The following FAHD2B variants were observed in gnomAD, a reference collection of about 807,000 sequenced individuals.
The protein encoded by FAHD2B is fumarylacetoacetate hydrolase domain containing 2B, also known as oxaloacetate tautomerase FAHD2B, mitochondrial.
FAHD2B carries 26 observed loss-of-function variants against 33.7 expected under a neutral mutation model. The ratio of observed to expected loss-of-function variants is 0.77; its 90% CI spans 0.57 to 1.07. FAHD2B has a LOEUF of 1.07. FAHD2B is among the 50% of genes least tolerant of loss of function. FAHD2B has a pLI of 0.00. For missense variants in FAHD2B, 272 were observed against 388.1 expected (o/e 0.70, Z 2.51); for synonymous variants, 108 against 150.9 (o/e 0.72, Z 2.08).
At chr2:97,092,965 C>CAAAAAAAAAAAAAAAAAAAAA in intron 1 of FAHD2B, among the ~76,000 whole-genome samples, 1 of 64,220 alleles carries the variant, frequency 1.6e-5, no homozygotes, top group Non-Finnish European at 3.1e-5. Context: ...AGAGCGACTC[C>CAAAAAAAAAAAAAAAAAAAAA]AAAAAAAAAA....
At chr2:97,086,814 C>A (rs182609584) in intron 4 of FAHD2B, 224 of 153,086 alleles carry the variant, frequency 1.5e-3, no homozygotes, top group South Asian at 6.8e-3. Context: ...TAATACCACT[C>A]CCCACTAAGG....
downstream of FAHD2B, chr2:97,082,282 C>T (rs927374922): frequency 5.4e-5 from 85 of 1,574,866 alleles, no homozygotes; most frequent in Non-Finnish European, 7.1e-5. Context: ...CACAGGCTGC[C>T]GCCTTCCTCC....
At chr2:97,086,565 T>A (rs546670300) in intron 4 of FAHD2B, 2 of 203,460 alleles carry the variant, frequency 9.8e-6, no homozygotes, top group Non-Finnish European at 2.0e-5. Flanking sequence ...CTGTTCTAAG[T>A]GTTTTAATCT....
chr2:97,081,092 C>T (rs1382639921), downstream of FAHD2B: 11 of 1,506,442 alleles, frequency 7.3e-6, no homozygotes, highest in African/African-American at 7.0e-5. Flanking sequence ...ATGGACCCTC[C>T]GCCCCCAGCC....
Position 97,093,943 on chromosome 2 carries a change from G to A in FAHD2B, c.-133+758C>T, listed in dbSNP as rs547033553. Among the ~76,000 whole-genome samples, 35 of 152,222 alleles carry A rather than the reference G, an allele frequency of 2.3e-4. 1 individual carries two copies. The highest frequency in any genetic ancestry group is 2.0e-3 in the Admixed American group (30 of 15,264). ...AAGTCCAGGTGACATTGAAGTCCTT[G>A]GTTCAGAAGCCTGTAATGCAAGCAA... On this transcript the variant is annotated intron_variant, in intron 1 of 8. Coordinates refer to ENST00000414820, the MANE Select transcript of FAHD2B (RefSeq NM_001320848.2).
chr2:97,084,070 G>A, intron 7 of FAHD2B, 35 bp from the exon 8 acceptor site: 3 of 1,613,288 alleles, frequency 1.9e-6, no homozygotes, highest in Non-Finnish European at 2.5e-6. Flanking sequence ...TGAGACCAGG[G>A]GCTGGCTGAG....
At chr2:97,083,332 A>G, downstream of FAHD2B, 1 of 1,542,054 alleles carries the variant, frequency 6.5e-7, no homozygotes, top group Admixed American at 2.3e-5. Flanking sequence ...CAGAAGATGG[A>G]GAGGAGGCTG....
chr2:97,085,675 AG>A (rs1380285051), intron 6 of FAHD2B, 23 bp downstream of exon 6: 2 of 1,613,300 alleles, frequency 1.2e-6, no homozygotes, highest in South Asian at 1.1e-5. Context: ...GGTAGGTACC[AG>A]GGGGCAGGGA....
intron 4 of FAHD2B, among the ~76,000 whole-genome samples, chr2:97,089,177 G>A (rs1264434330): frequency 6.6e-6 from 1 of 151,914 alleles, no homozygotes. Flanking sequence ...CAAGGGTTTT[G>A]AAATACTGCC....
chr2:97,087,897 G>A (rs1037034870), intron 4 of FAHD2B, among the ~76,000 whole-genome samples: 10 of 152,100 alleles, frequency 6.6e-5, no homozygotes, highest in Non-Finnish European at 1.2e-4. Context: ...GCTAAACCAA[G>A]TGGTCAAATT....
At chr2:97,083,300 G>A (rs539570412), downstream of FAHD2B, 33 of 1,592,256 alleles carry the variant, frequency 2.1e-5, no homozygotes, top group African/African-American at 3.4e-4. Context: ...CTCAGCCCCA[G>A]AACACAGCTG....
chr2:97,083,870 A>G, intron 8 of FAHD2B, 53 bp from the exon 9 acceptor site: 3 of 1,614,022 alleles, frequency 1.9e-6, no homozygotes, highest in Middle Eastern at 1.6e-4. Flanking sequence ...ACACATACAC[A>G]AGCCTGTACT....
chr2:97,087,145 G>A (rs992826302), intron 4 of FAHD2B, among the ~76,000 whole-genome samples: 8 of 151,938 alleles, frequency 5.3e-5, no homozygotes, highest in Non-Finnish European at 1.2e-4. Context: ...TCCGCCTCCT[G>A]GGTTCACACC....
chr2:97,078,929 G>A (rs1357964776), downstream of FAHD2B, among the ~76,000 whole-genome samples: 1 of 151,800 alleles, frequency 6.6e-6, no homozygotes, highest in African/African-American at 2.4e-5. Flanking sequence ...TCCATCCTCT[G>A]GTAGGCCCCA....
At chr2:97,086,248 A>G (rs759478856) in intron 4 of FAHD2B, 50 bp from the exon 5 acceptor site, 1 of 1,597,692 alleles carries the variant, frequency 6.3e-7, no homozygotes, top group East Asian at 2.3e-5. Context: ...GGGGCCCATT[A>G]TCTATGCTCA....
At chr2:97,082,188 C>G, downstream of FAHD2B, 1 of 1,527,612 alleles carries the variant, frequency 6.5e-7, no homozygotes. Flanking sequence ...CCGGCCTGTC[C>G]CCTCCAGCTC....
intron 4 of FAHD2B, among the ~76,000 whole-genome samples, chr2:97,088,606 A>G (rs1229962245): frequency 6.6e-6 from 1 of 152,076 alleles, no homozygotes; most frequent in Non-Finnish European, 1.5e-5. Flanking sequence ...ATATGTCTTT[A>G]TTAGCAGCAA....
chr2:97,083,472 A>G, downstream of FAHD2B: 1 of 1,143,982 alleles, frequency 8.7e-7, no homozygotes, highest in South Asian at 1.7e-5. Flanking sequence ...GCCCAGCAGC[A>G]TCTTTTTGGC....
At chr2:97,081,366 C>A, downstream of FAHD2B, 11 of 1,566,564 alleles carry the variant, frequency 7.0e-6, 1 homozygote, top group South Asian at 1.3e-4. Flanking sequence ...TCTGGCCTTG[C>A]CCGGTCTTTG....
Sources: allele counts gnomAD v4.1 joint callset (sites outside exome capture counted in the v4.1 genomes callset), GRCh38; gene constraint gnomAD v4.1.1; transcripts MANE v1.5; gene names NCBI Gene and HGNC (gene_info 2026-07-23, HGNC 2026-07-21).